The following RPGRIP1L variants were observed in gnomAD, a reference collection of about 807,000 sequenced individuals.
The protein encoded by RPGRIP1L is RPGRIP1 like, also known as protein fantom.
RPGRIP1L carries 131 observed loss-of-function variants against 160.4 expected under a neutral mutation model. That is an observed-to-expected ratio of 0.82 (90% CI 0.71 to 0.94). The LOEUF (loss-of-function observed/expected upper bound fraction) is 0.94, where lower values mean the gene tolerates loss of function less well. Ranked by LOEUF, RPGRIP1L falls within the 40% of genes least tolerant of loss-of-function variation. The pLI is 0.00. For missense variants in RPGRIP1L, 1,522 were observed against 1,535.8 expected (o/e 0.99, Z 0.15); for synonymous variants, 510 against 515.8 (o/e 0.99, Z 0.15).
chr16:53,626,786 C>CA (rs1425829601), intron 22 of RPGRIP1L, among the ~76,000 whole-genome samples: 1 of 136,378 alleles, frequency 7.3e-6, no homozygotes, highest in Non-Finnish European at 1.5e-5. Flanking sequence ...CCCTGGGTGA[C>CA]AGAGTGAGAC....
chr16:53,678,754 T>G (rs1003272178), intron 6 of RPGRIP1L, among the ~76,000 whole-genome samples: 1 of 152,188 alleles, frequency 6.6e-6, no homozygotes, highest in East Asian at 1.9e-4. Context: ...GAGACTGTTT[T>G]GAGTAATAGT....
intron 17 of RPGRIP1L, among the ~76,000 whole-genome samples, chr16:53,644,958 C>A (rs1201429964): frequency 6.6e-6 from 1 of 152,096 alleles, no homozygotes; most frequent in African/African-American, 2.4e-5. Flanking sequence ...TACATTTTAT[C>A]TTTTCTCCTC....
intron 6 of RPGRIP1L, among the ~76,000 whole-genome samples, chr16:53,684,979 T>C (rs902047372): frequency 2.0e-5 from 3 of 151,822 alleles, no homozygotes; most frequent in Non-Finnish European, 4.4e-5. Flanking sequence ...AAAGGTATAA[T>C]ATCCAGCATC....
chr16:53,673,434 A>G (rs1180729846), intron 7 of RPGRIP1L, among the ~76,000 whole-genome samples: 1 of 152,182 alleles, frequency 6.6e-6, no homozygotes, highest in Non-Finnish European at 1.5e-5. Flanking sequence ...TCGCTGCCAC[A>G]TCGTATAAAC....
intron 17 of RPGRIP1L, among the ~76,000 whole-genome samples, chr16:53,643,177 G>A (rs774163937): frequency 1.1e-4 from 16 of 151,938 alleles, no homozygotes; most frequent in Non-Finnish European, 2.1e-4. Flanking sequence ...GTGTGGTGGC[G>A]GGTGCCTGTA....
intron 23 of RPGRIP1L, among the ~76,000 whole-genome samples, chr16:53,621,237 T>A (rs6499635): frequency 0.48 from 73,173 of 151,976 alleles, 21,574 homozygotes; most frequent in African/African-American, 0.83. Context: ...CTGTCAAATA[T>A]GACTACATGC....
intron 1 of RPGRIP1L, 153 bp downstream of exon 1, chr16:53,703,650 C>T (rs1316538916): frequency 9.4e-6 from 2 of 212,874 alleles, no homozygotes; most frequent in Non-Finnish European, 1.9e-5. Context: ...GTGTCTTGGG[C>T]TGGGCTGCTT....
chr16:53,658,096 A>G (rs1241113433), intron 12 of RPGRIP1L, among the ~76,000 whole-genome samples: 1 of 152,158 alleles, frequency 6.6e-6, no homozygotes, highest in African/African-American at 2.4e-5. Flanking sequence ...TCGATGAGTT[A>G]AATAGTGAAG....
chr16:53,649,951 T>C (rs1378158200), intron 15 of RPGRIP1L, among the ~76,000 whole-genome samples: 1 of 152,184 alleles, frequency 6.6e-6, no homozygotes, highest in Non-Finnish European at 1.5e-5. Context: ...GAATATTCTA[T>C]ACATAAACTT....
At chr16:53,637,898 T>C in intron 20 of RPGRIP1L, 44 bp from the exon 21 acceptor site, 1 of 1,570,854 alleles carries the variant, frequency 6.4e-7, no homozygotes, top group Non-Finnish European at 8.7e-7. Context: ...ATTGCTTAGA[T>C]CACATTTTAT....
At chr16:53,698,289 A>C (rs1265666396) in intron 2 of RPGRIP1L, among the ~76,000 whole-genome samples, 43 of 118,302 alleles carry the variant, frequency 3.6e-4, no homozygotes, top group Middle Eastern at 5.7e-3. Context: ...AGCCCCCGCC[A>C]GGCCAGCCGC....
rs934455196 is a variant in RPGRIP1L, at chr16:53,619,016, C to A, written c.3616+9G>T. The A allele has an allele frequency of 3.7e-6, 6 of 1,600,844 alleles. No homozygotes were observed. Among genetic ancestry groups the A allele is most frequent in the Non-Finnish European group, 5.1e-6 (6 of 1,168,106 alleles). On this transcript the variant is annotated intron_variant, in intron 24 of 26. Coordinates refer to ENST00000647211, the MANE Select transcript of RPGRIP1L (RefSeq NM_015272.5). ...ATAAAAGTCTATATTACAAATGAAT[C>A]ATACATACCATTGCTATAGTTATAG...
chr16:53,637,846 T>C lies in RPGRIP1L; in HGVS notation c.3069A>G (p.Gln1023=). ...CTTTTACCTCATCTACACTGCCTTC[T>C]TGTGAAACCTGAAGAAATCAAAGCA... ...LTVPHVPKVS[Q]EGSVDEVKEN... is the part of the protein sequence containing the mutation. The change falls in exon 21 of 27, where the codon CAA becomes CAG. Residue 1023 remains glutamine (Q), a synonymous_variant. Coordinates refer to ENST00000647211, the MANE Select transcript of RPGRIP1L (RefSeq NM_015272.5). The C allele has an allele frequency of 6.2e-7, 1 of 1,612,834 alleles. No homozygotes were observed. The highest frequency in any genetic ancestry group is 1.3e-5 in the African/African-American group (1 of 75,020).
In RPGRIP1L at chr16:53,695,208, C is replaced by T. The variant is rs1970663113; in HGVS notation, c.230+943G>A. On this transcript the variant is annotated intron_variant, in intron 3 of 26. Transcript: ENST00000647211. ...TAGGTGGTCATAGCAGACTACATGC[C>T]TCATTCTGACTGGCTGATGTGTGTG... The T allele has an allele frequency of 4.9e-6, 3 of 617,998 alleles. No homozygotes were observed. In the Admixed American group the frequency reaches 8.3e-5, roughly 17 times the overall value. 38.3% of individuals were successfully genotyped at this position (617,998 alleles called of 1,614,324 possible).
Position 53,602,049 on chromosome 16 carries a change from T to C in RPGRIP1L, c.*27A>G, listed in dbSNP as rs1214472936. ...TTTCATGTGAGCATTTACTGAGGAG[T>C]AGGAGATGCCTCTGGAGCATTTGCT... On this transcript the variant is annotated 3_prime_UTR_variant, in exon 27 of 27. Coordinates refer to ENST00000647211, the MANE Select transcript of RPGRIP1L (RefSeq NM_015272.5). 2 of 1,294,054 alleles carry C rather than the reference T, an allele frequency of 1.5e-6. No homozygotes were observed. The highest frequency in any genetic ancestry group is 1.2e-5 in the South Asian group (1 of 83,688). 80.2% of individuals were successfully genotyped at this position (1,294,054 alleles called of 1,614,324 possible).
At chr16:53,684,507 A>G (rs1366316782) in intron 6 of RPGRIP1L, among the ~76,000 whole-genome samples, 2 of 147,586 alleles carry the variant, frequency 1.4e-5, no homozygotes, top group African/African-American at 5.0e-5. Context: ...AAAACCAAAC[A>G]CCGCATGTTC....
intron 18 of RPGRIP1L, 69 bp from the exon 19 acceptor site, chr16:53,641,185 A>G (rs1393266006): frequency 3.3e-6 from 5 of 1,508,452 alleles, no homozygotes. Context: ...GACTTTAGCT[A>G]TTATTATTAT....
chr16:53,629,743 T>G (rs534176125), intron 22 of RPGRIP1L, among the ~76,000 whole-genome samples: 16 of 152,194 alleles, frequency 1.1e-4, no homozygotes, highest in Non-Finnish European at 2.4e-4. Context: ...GGCAATTTTT[T>G]TTTCTGTAAA....
rs1268959819 is a variant in RPGRIP1L, at chr16:53,601,015, A to C, written c.*1061T>G. 1 of 152,680 alleles carries C rather than the reference A, an allele frequency of 6.5e-6. No individual in the cohort carries two copies. Among genetic ancestry groups the C allele is most frequent in the African/African-American group, 2.4e-5 (1 of 41,470 alleles). 9.5% of individuals were successfully genotyped at this position (152,680 alleles called of 1,614,324 possible). A position where few individuals can be genotyped will look rare whatever the true frequency, so the allele number is the denominator to read the frequency against. On this transcript the variant is annotated 3_prime_UTR_variant, in exon 27 of 27. Coordinates refer to ENST00000647211, the MANE Select transcript of RPGRIP1L (RefSeq NM_015272.5). ...AAAATGACAAATAAAAAAGTAAATT[A>C]AAAAATGAAATGCATTATATCCTAG...
Sources: gnomAD v4.1 joint callset for allele counts (sites outside exome capture counted in the v4.1 genomes callset) on GRCh38, gnomAD v4.1.1 for gene constraint, MANE v1.5 for transcripts, NCBI Gene and HGNC (gene_info 2026-07-23, HGNC 2026-07-21) for gene names.